The following MMD2 variants were observed in gnomAD, a reference collection of about 807,000 sequenced individuals.
The protein encoded by MMD2 is monocyte to macrophage differentiation associated 2.
A neutral mutation model predicts 33.5 loss-of-function variants in MMD2; 30 were observed. That is an observed-to-expected ratio of 0.90 (90% CI 0.67 to 1.22). MMD2 has a LOEUF of 1.22. MMD2 is among the 50% of genes most tolerant of loss of function. The pLI is 0.00. For synonymous variants in MMD2, 129 were observed against 123.0 expected (o/e 1.05, Z -0.32); for missense variants, 364 against 325.4 (o/e 1.12, Z -0.91).
chr7:4,952,897 G>A (rs1786287066), intron 1 of MMD2, among the ~76,000 whole-genome samples: 1 of 151,842 alleles, frequency 6.6e-6, no homozygotes. Context: ...CACCACGCTG[G>A]CCAGGCTGGC....
intron 4 of MMD2, among the ~76,000 whole-genome samples, chr7:4,912,286 CG>C (rs1785033653): frequency 1.3e-5 from 2 of 151,738 alleles, no homozygotes; most frequent in South Asian, 4.2e-4. Context: ...TGGCCGGGCG[CG>C]GTGGCTCACG....
At chr7:4,915,720 A>G (rs1048480694) in intron 4 of MMD2, among the ~76,000 whole-genome samples, 9 of 151,550 alleles carry the variant, frequency 5.9e-5, no homozygotes, top group African/African-American at 1.9e-4. Context: ...AGCCTGGGTG[A>G]CAGAGTGAGA....
rs898351478 is a variant in MMD2, at chr7:4,940,394, C to T, written c.48-14862G>A. On this transcript the variant is annotated intron_variant, in intron 1 of 6. Coordinates refer to ENST00000401401, the MANE Select transcript of MMD2 (RefSeq NM_198403.4). This position sits in a 1 kb window ranked among gnomAD's most constrained non-coding sequence, Gnocchi z 5.0. The stretch of plus-strand genomic sequence containing the variant: ...GGCCCCGGAACGCGGCTGCAGCCAC[C>T]CCTCCCAGGCTGGGCTGGTGCCTGT... Among the ~76,000 whole-genome samples the T allele has an allele frequency of 3.9e-5, 6 of 152,208 alleles. No homozygotes were observed. The highest frequency in any genetic ancestry group is 3.9e-4 in the Admixed American group (6 of 15,282).
intron 2 of MMD2, among the ~76,000 whole-genome samples, chr7:4,924,238 C>G (rs541620339): frequency 3.3e-5 from 5 of 152,190 alleles, no homozygotes; most frequent in Non-Finnish European, 7.3e-5. Flanking sequence ...ACAACAGAAC[C>G]AAGTGTGGTC....
chr7:4,908,628 G>A (rs1206436346), intron 6 of MMD2, among the ~76,000 whole-genome samples: 2 of 151,950 alleles, frequency 1.3e-5, no homozygotes, highest in African/African-American at 2.4e-5. Flanking sequence ...GGCCGGGCAC[G>A]GTGGCTCACG....
chr7:4,907,697 A>AAG, intron 6 of MMD2, 98 bp from the exon 7 acceptor site: 1 of 1,232,340 alleles, frequency 8.1e-7, no homozygotes, highest in Middle Eastern at 2.8e-4. Context: ...AAAGACATGC[A>AAG]GATGGCAAAC....
At chr7:4,958,929 CCCCT>C (rs752373491) in intron 1 of MMD2, 38 bp downstream of exon 1, 37 of 1,280,712 alleles carry the variant, frequency 2.9e-5, no homozygotes, top group South Asian at 2.7e-4. Context: ...CCGCCGCGCG[CCCCT>C]CCCTCCCTCC....
At chr7:4,934,661 C>G (rs1160885089) in intron 1 of MMD2, among the ~76,000 whole-genome samples, 1 of 152,192 alleles carries the variant, frequency 6.6e-6, no homozygotes, top group Non-Finnish European at 1.5e-5. Flanking sequence ...GACTCCCAAA[C>G]TGAGCCAGGA....
chr7:4,938,002 C>CTTTTTTTTTTTTTTTTTTTTT (rs1165504272), intron 1 of MMD2, among the ~76,000 whole-genome samples: 1 of 45,646 alleles, frequency 2.2e-5, no homozygotes, highest in Non-Finnish European at 3.5e-5. Context: ...TTCTTTCTTT[C>CTTTTTTTTTTTTTTTTTTTTT]TTTTTTTTTT....
Position 4,907,337 on chromosome 7 carries a change from C to T in MMD2, c.*59G>A, listed in dbSNP as rs189477508. On this transcript the variant is annotated 3_prime_UTR_variant, in exon 7 of 7. Transcript: ENST00000401401. ...GCCTTGGCGCTGTGCTCTGGGTTAA[C>T]GTTCACAGAAACGTGCTCCACTCCT... 816 of 1,547,078 alleles carry T rather than the reference C, an allele frequency of 5.3e-4. 1 individual carries two copies. Among genetic ancestry groups the T allele is most frequent in the South Asian group, 1.6e-3 (146 of 89,144 alleles).
intron 1 of MMD2, among the ~76,000 whole-genome samples, chr7:4,941,560 G>GC (rs1315707916): frequency 1.3e-5 from 2 of 151,342 alleles, no homozygotes. Context: ...AACCTGGGAG[G>GC]CGGAGGTTAC....
At chr7:4,944,848 A>G (rs1166392409) in intron 1 of MMD2, among the ~76,000 whole-genome samples, 1 of 141,672 alleles carries the variant, frequency 7.1e-6, no homozygotes, top group Non-Finnish European at 1.5e-5. Context: ...GCTCACTACA[A>G]GCTCCGCCTC....
chr7:4,945,667 A>G (rs1279832401), intron 1 of MMD2, among the ~76,000 whole-genome samples: 1 of 151,088 alleles, frequency 6.6e-6, no homozygotes, highest in Non-Finnish European at 1.5e-5. Context: ...CTCTGCCTCC[A>G]GGGTTCAAAC....
rs376845015 is a variant in MMD2, at chr7:4,949,981, G to T, written c.47+8990C>A. 1.2e-4 allele frequency among the ~76,000 whole-genome samples: 19 copies of T among 152,164 alleles called. No individual in the cohort carries two copies. The South Asian group carries it at 3.7e-3, about 30-fold the overall frequency. ...TACCATTTCCGGCTAGGTATTTTTAGAATAATTTTTTTCACTGTGGTAAAA... is the reference window on the plus strand; with the variant it reads ...TACCATTTCCGGCTAGGTATTTTTATAATAATTTTTTTCACTGTGGTAAAA... On this transcript the variant is annotated intron_variant, in intron 1 of 6. Transcript: ENST00000401401.
At chr7:4,955,677 T>C (rs1786364570) in intron 1 of MMD2, among the ~76,000 whole-genome samples, 2 of 152,178 alleles carry the variant, frequency 1.3e-5, no homozygotes, top group African/African-American at 4.8e-5. Context: ...TTCTAAAAAT[T>C]ATAATAATTT....
At chr7:4,953,579 T>C (rs1786307722) in intron 1 of MMD2, among the ~76,000 whole-genome samples, 1 of 151,248 alleles carries the variant, frequency 6.6e-6, no homozygotes, top group Non-Finnish European at 1.5e-5. Flanking sequence ...CAAGCAATTC[T>C]CCTGCCTCAG....
intron 1 of MMD2, among the ~76,000 whole-genome samples, chr7:4,939,402 G>A (rs546882457): frequency 2.6e-3 from 395 of 152,110 alleles, no homozygotes; most frequent in Non-Finnish European, 3.3e-3. Context: ...AATTAGCCAG[G>A]TGTGGTGGTG....
the MMD2 span, among the ~76,000 whole-genome samples, chr7:4,895,163 C>T: frequency 8.5e-3 from 1,290 of 151,808 alleles, 17 homozygotes; most frequent in African/African-American, 0.029. Flanking sequence ...CTGCAACCTC[C>T]GCTCCCAGGT....
rs374841599 is a variant in MMD2 at position 4,916,324 on chromosome 7, G to A, written c.291-245C>T. Among the ~76,000 whole-genome samples the A allele has an allele frequency of 3.3e-5, 5 of 150,196 alleles. No individual in the cohort carries two copies. The South Asian group carries it at 8.4e-4, about 25-fold the overall frequency. Reference sequence around the variant, plus strand: ...GACACCTTGCCTCGGGGGTCCCACTGAGGGCCTTGCGCCCCTACAGGTAAG... The same window carrying A: ...GACACCTTGCCTCGGGGGTCCCACTAAGGGCCTTGCGCCCCTACAGGTAAG... On this transcript the variant is annotated intron_variant, in intron 3 of 6. Coordinates refer to ENST00000401401, the MANE Select transcript of MMD2 (RefSeq NM_198403.4).
Sources: allele counts gnomAD v4.1 joint callset (sites outside exome capture counted in the v4.1 genomes callset), GRCh38; gene constraint gnomAD v4.1.1; non-coding constraint Gnocchi (gnomAD v3.1); transcripts MANE v1.5; gene names NCBI Gene and HGNC (gene_info 2026-07-23, HGNC 2026-07-21).